AP3B2: variants seen among roughly 807,000 people sequenced by gnomAD.
AP3B2 encodes the protein adaptor related protein complex 3 subunit beta 2, also known as AP-3 complex subunit beta-2.
A neutral mutation model predicts 126.9 loss-of-function variants in AP3B2; 50 were observed. That is an observed-to-expected ratio of 0.39 (90% CI 0.31 to 0.50). The LOEUF (loss-of-function observed/expected upper bound fraction) is 0.50, where lower values mean the gene tolerates loss of function less well. Among genes scored for constraint, AP3B2 ranks in the 20% least tolerant of loss-of-function variants. The pLI, the probability that AP3B2 is intolerant of heterozygous loss-of-function variation, is 0.79. For synonymous variants in AP3B2, 541 were observed against 565.0 expected (o/e 0.96, Z 0.60); for missense variants, 1,177 against 1,426.4 (o/e 0.83, Z 2.82).
intron 4 of AP3B2, chr15:82,685,928 A>T (rs542162563): frequency 1.3e-4 from 20 of 152,322 alleles, no homozygotes; most frequent in African/African-American, 4.8e-4. Context: ...ATTGAATAAG[A>T]TCCTTCCTAA....
At chr15:82,691,179 C>T (rs531769288) in intron 1 of AP3B2, among the ~76,000 whole-genome samples, 3 of 152,312 alleles carry the variant, frequency 2.0e-5, no homozygotes, top group South Asian at 2.1e-4. Context: ...CTTGAGGAAT[C>T]GCCACACTGT....
At chr15:82,661,054 T>TCTCCTGGTTCTC (rs896494140) in intron 25 of AP3B2, among the ~76,000 whole-genome samples, 65 of 152,272 alleles carry the variant, frequency 4.3e-4, no homozygotes, top group Admixed American at 1.3e-3. Flanking sequence ...CCTTGTTGTC[T>TCTCCTGGTTCTC]CTCCTGGTTC....
In AP3B2 at chr15:82,659,479, A is replaced by G. The variant is rs551931229; in HGVS notation, c.*81T>C. On this transcript the variant is annotated 3_prime_UTR_variant, in exon 27 of 27. Coordinates refer to ENST00000535359, the MANE Select transcript of AP3B2 (RefSeq NM_001278512.2). Reference sequence around the variant, plus strand: ...GCATGAGGAGGATGATGAGAGAGAGAGAGAAAGATGAGAGAGACTGACAGC... The same window carrying G: ...GCATGAGGAGGATGATGAGAGAGAGGGAGAAAGATGAGAGAGACTGACAGC... The G allele has an allele frequency of 3.2e-6, 5 of 1,546,416 alleles. No individual in the cohort carries two copies. The highest frequency in any genetic ancestry group is 3.4e-5 in the Admixed American group (2 of 58,654).
chr15:82,659,412 T>C lies in AP3B2; in HGVS notation c.*148A>G. On this transcript the variant is annotated 3_prime_UTR_variant, in exon 27 of 27. Transcript: ENST00000535359. ...CATGGGGAGGGCATTAGGGGAGGGC[T>C]TGGTCCTCCAGAGGGAGAGAGGACA... The C allele has an allele frequency of 9.8e-7, 1 of 1,019,544 alleles. No individual in the cohort carries two copies. Among genetic ancestry groups the C allele is most frequent in the South Asian group, 1.6e-5 (1 of 63,670 alleles). 63.2% of individuals were successfully genotyped at this position (1,019,544 alleles called of 1,614,324 possible). A position where few individuals can be genotyped will look rare whatever the true frequency, so the allele number is the denominator to read the frequency against.
intron 25 of AP3B2, among the ~76,000 whole-genome samples, chr15:82,660,367 C>T (rs1376440333): frequency 6.6e-6 from 1 of 152,160 alleles, no homozygotes; most frequent in East Asian, 1.9e-4. Flanking sequence ...CATTCAACTC[C>T]CACTCAGCTC....
intron 21 of AP3B2, 160 bp downstream of exon 21, chr15:82,663,400 G>A (rs12898427): frequency 0.038 from 37,661 of 1,003,332 alleles, 873 homozygotes; most frequent in Non-Finnish European, 0.046. Flanking sequence ...CCCAGACCTG[G>A]GGAGGTCAGC....
chr15:82,680,749 G>T lies in AP3B2; in HGVS notation c.778C>A (p.Leu260Ile). Residue 260 changes from leucine to isoleucine, a missense_variant, in exon 8 of 27, where the codon CTA becomes ATA. Leu to Ile is a conservative substitution (Grantham distance 5, BLOSUM62 2). This residue lies in a region of AP3B2 where 103 missense variants were observed against 101.4 expected (regional missense o/e 1.02). Transcript: ENST00000535359. This position sits in a 1 kb window ranked among gnomAD's most constrained non-coding sequence, Gnocchi z 6.1. ...GCTTTTTCCGCGTTCTCCTCTAGTA[G>T]GGATTCCTGGACGGGGAGACCGACG... ...QFLSPTQNES[L>I]LEENAEKAFY... The T allele has an allele frequency of 6.3e-7, 1 of 1,587,504 alleles. No homozygotes were observed.
rs757303511 is a variant in AP3B2, at chr15:82,688,795, C to T, written c.301G>A (p.Ala101Thr). Reference protein sequence around the residue: ...KLVYVYLVRYAEEQQDLALLS... With the variant: ...KLVYVYLVRYTEEQQDLALLS... Reference sequence around the variant, plus strand: ...AGGGCCAGGTCTTGCTGCTCCTCAGCGTAGCGTACCAGGTACACATAGACA... The same window carrying T: ...AGGGCCAGGTCTTGCTGCTCCTCAGTGTAGCGTACCAGGTACACATAGACA... The change falls in exon 4 of 27, where the codon GCT becomes ACT. Residue 101 changes from alanine to threonine, a missense_variant. Around this residue, in one of 5 missense-constraint regions of AP3B2, gnomAD observed 130 missense variants for 262.0 expected, o/e 0.50. Transcript: ENST00000535359. The T allele has an allele frequency of 1.2e-6, 2 of 1,612,962 alleles. No individual in the cohort carries two copies. Among genetic ancestry groups the T allele is most frequent in the Non-Finnish European group, 1.7e-6 (2 of 1,179,506 alleles).
In AP3B2 at chr15:82,665,938, A is replaced by G. The variant is rs768970058; in HGVS notation, c.1853-363T>C. ...GAACAGTCAGAGCATGAGTGTGTAG[A>G]AGTCTGGATCAGAGTTGAGGCACTG... is the stretch of plus-strand genomic sequence containing the variant. On this transcript the variant is annotated intron_variant, in intron 15 of 26. Coordinates refer to ENST00000535359, the MANE Select transcript of AP3B2 (RefSeq NM_001278512.2). This position sits in a 1 kb window ranked among gnomAD's most constrained non-coding sequence, Gnocchi z 4.4. Among the ~76,000 whole-genome samples the G allele has an allele frequency of 9.2e-5, 14 of 152,128 alleles. No individual in the cohort carries two copies. Among genetic ancestry groups the G allele is most frequent in the Non-Finnish European group, 1.9e-4 (13 of 68,012 alleles).
chr15:82,673,048 CATA>C (rs1158063315), intron 14 of AP3B2, among the ~76,000 whole-genome samples: 1 of 152,160 alleles, frequency 6.6e-6, no homozygotes, highest in Non-Finnish European at 1.5e-5. Flanking sequence ...TGTAGCCTTG[CATA>C]AGATCCAACT....
rs2048855823 is a variant in AP3B2, at chr15:82,709,817, C to T, written c.-111G>A. 3.7e-6 allele frequency: 3 copies of T among 811,304 alleles called. No homozygotes were observed. Among genetic ancestry groups the T allele is most frequent in the Admixed American group, 3.9e-5 (1 of 25,618 alleles). The allele number at this position is 811,304 out of a possible 1,614,324, so 50.3% of individuals were successfully genotyped here. A position where few individuals can be genotyped will look rare whatever the true frequency, so the allele number is the denominator to read the frequency against. On this transcript the variant is annotated 5_prime_UTR_variant, in exon 1 of 27. Coordinates refer to ENST00000535359, the MANE Select transcript of AP3B2 (RefSeq NM_001278512.2). Reference sequence around the variant, plus strand: ...GTCCGGGCTGGCGAAGGCGGCGGCGCGGCAGGGGTTCAGCAGAGGCTGCAG... The same window carrying T: ...GTCCGGGCTGGCGAAGGCGGCGGCGTGGCAGGGGTTCAGCAGAGGCTGCAG...
intron 1 of AP3B2, among the ~76,000 whole-genome samples, chr15:82,698,812 C>A (rs1054627022): frequency 6.6e-6 from 1 of 152,088 alleles, no homozygotes; most frequent in Non-Finnish European, 1.5e-5. Context: ...AGGGCATCCT[C>A]CCCACCCAGC....
intron 1 of AP3B2, among the ~76,000 whole-genome samples, chr15:82,708,305 ACT>A (rs1394056894): frequency 6.7e-6 from 1 of 148,594 alleles, no homozygotes; most frequent in Non-Finnish European, 1.5e-5. Context: ...CCCTTCGCTG[ACT>A]CTTTTTTCGG....
rs920209900 is a variant in AP3B2 at position 82,659,430 on chromosome 15, A to G, written c.*130T>C. 2 of 1,239,358 alleles carry G rather than the reference A, an allele frequency of 1.6e-6. No individual in the cohort carries two copies. The highest frequency in any genetic ancestry group is 3.0e-5 in the African/African-American group (2 of 67,580). 76.8% of individuals were successfully genotyped at this position (1,239,358 alleles called of 1,614,324 possible). ...GGAGGGCTTGGTCCTCCAGAGGGAG[A>G]GAGGACACCCTGAATGCTATCTGGC... On this transcript the variant is annotated 3_prime_UTR_variant, in exon 27 of 27. Transcript: ENST00000535359.
intron 21 of AP3B2, 68 bp from the exon 22 acceptor site, chr15:82,663,301 G>A: frequency 1.6e-6 from 2 of 1,277,756 alleles, no homozygotes; most frequent in African/African-American, 1.5e-5. Context: ...GGAGCCTAGG[G>A]ATCAAGGAGC....
intron 4 of AP3B2, chr15:82,688,230 T>C (rs1472755914): frequency 5.2e-6 from 3 of 580,002 alleles, no homozygotes; most frequent in Non-Finnish European, 9.2e-6. Flanking sequence ...TGTCTTAGAC[T>C]AACCAGAAAA....
In AP3B2 at chr15:82,663,580, G is replaced by C; in HGVS notation, c.2477C>G (p.Ser826Cys). Residue 826 changes from serine to cysteine, a missense_variant, in exon 21 of 27, where the codon TCC (serine) becomes TGC (cysteine). Transcript: ENST00000535359. ...SKSAPATKEI[S>C]LLDLEDFTPP... ...CTCACAATCCTCTAGATCAAGCAGG[G>C]AGATCTCCTTGGTTGCAGGAGCACT... is the stretch of plus-strand genomic sequence containing the variant. 1.2e-6 allele frequency: 2 copies of C among 1,613,878 alleles called. No homozygotes were observed. Among genetic ancestry groups the C allele is most frequent in the Non-Finnish European group, 1.7e-6 (2 of 1,179,846 alleles).
At chr15:82,694,555 C>T (rs1824017644) in intron 1 of AP3B2, among the ~76,000 whole-genome samples, 1 of 151,952 alleles carries the variant, frequency 6.6e-6, no homozygotes, top group African/African-American at 2.4e-5. Flanking sequence ...CATGGTGGCA[C>T]ATGCCTGTAG....
At chr15:82,666,712 C>T (rs750388589) in intron 15 of AP3B2, 35 bp downstream of exon 15, 1 of 1,601,854 alleles carries the variant, frequency 6.2e-7, no homozygotes, top group Admixed American at 1.7e-5. Flanking sequence ...CCTTTCCATT[C>T]CCCTAGGAAG....
Sources: allele counts gnomAD v4.1 joint callset (sites outside exome capture counted in the v4.1 genomes callset), GRCh38; gene constraint gnomAD v4.1.1; regional missense constraint gnomAD v4.1.1; non-coding constraint Gnocchi (gnomAD v3.1); transcripts MANE v1.5; gene names NCBI Gene and HGNC (gene_info 2026-07-23, HGNC 2026-07-21).